Variants in THSD7A observed in about 807,000 individuals in gnomAD.
THSD7A encodes the protein thrombospondin type 1 domain containing 7A, also known as thrombospondin type-1 domain-containing protein 7A.
A neutral mutation model predicts 231.3 loss-of-function variants in THSD7A; 96 were observed. The observed-to-expected ratio is 0.41, with a 90% CI of 0.35 to 0.49. THSD7A has a LOEUF of 0.49. Among genes scored for constraint, THSD7A ranks in the 20% least tolerant of loss-of-function variants. The pLI, the probability that THSD7A is intolerant of heterozygous loss-of-function variation, is 0.05. For missense variants in THSD7A, 2,290 were observed against 2,070.2 expected (o/e 1.11, Z -2.06); for synonymous variants, 940 against 743.3 (o/e 1.26, Z -4.30).
At chr7:11,511,692 C>T (rs2128313532) in intron 6 of THSD7A, among the ~76,000 whole-genome samples, 1 of 152,206 alleles carries the variant, frequency 6.6e-6, no homozygotes, top group South Asian at 2.1e-4. Flanking sequence ...GAAAGGATTC[C>T]CTATTTAATA....
In THSD7A at chr7:11,769,118, T is replaced by TAATTCCC. The variant is rs1562541056; in HGVS notation, c.190+62638_190+62639insGGGAATT. Among the ~76,000 whole-genome samples, 76 of 93,732 alleles carry TAATTCCC rather than the reference T, an allele frequency of 8.1e-4. 1 individual carries two copies. The highest frequency in any genetic ancestry group is 1.0e-3 in the Non-Finnish European group (49 of 47,696). The allele number at this position is 93,732 out of a possible 152,430, so 61.5% of individuals were successfully genotyped here. A position where few individuals can be genotyped will look rare whatever the true frequency, so the allele number is the denominator to read the frequency against. On this transcript the variant is annotated intron_variant, in intron 1 of 27. Coordinates refer to ENST00000423059, the MANE Select transcript of THSD7A (RefSeq NM_015204.3). ...GATTACAGGCACCTGCCATAATTCC[T>TAATTCCC]GGCAATATATATATATATATATATA... is the stretch of plus-strand genomic sequence containing the variant.
At chr7:11,424,241 G>T (rs1270932014) in intron 16 of THSD7A, among the ~76,000 whole-genome samples, 3 of 151,820 alleles carry the variant, frequency 2.0e-5, no homozygotes, top group Non-Finnish European at 4.4e-5. Context: ...CTATGGGACA[G>T]TGTAGCTACA....
intron 1 of THSD7A, among the ~76,000 whole-genome samples, chr7:11,769,151 A>AT (rs1422492872): frequency 1.7e-3 from 61 of 35,458 alleles, no homozygotes; most frequent in East Asian, 3.9e-3. Flanking sequence ...ATATATATAT[A>AT]TATTTTTTTT....
intron 2 of THSD7A, among the ~76,000 whole-genome samples, chr7:11,617,581 T>C (rs537181305): frequency 2.6e-5 from 4 of 152,340 alleles, no homozygotes; most frequent in African/African-American, 9.6e-5. Context: ...AATATTTTAT[T>C]GTTGGCAAAT....
chr7:11,551,937 T>A (rs1789645645), intron 4 of THSD7A, among the ~76,000 whole-genome samples: 1 of 151,958 alleles, frequency 6.6e-6, no homozygotes. Flanking sequence ...AAACATGGAA[T>A]CAACCTAGAT....
chr7:11,426,843 A>G (rs2115420672), intron 14 of THSD7A, among the ~76,000 whole-genome samples, 172 bp from the exon 15 acceptor site: 1 of 152,322 alleles, frequency 6.6e-6, no homozygotes, highest in East Asian at 1.9e-4. Flanking sequence ...AGGAGATAAT[A>G]CACAACTACT....
intron 1 of THSD7A, among the ~76,000 whole-genome samples, chr7:11,680,176 C>G (rs190878448): frequency 1.3e-5 from 2 of 151,996 alleles, no homozygotes; most frequent in Non-Finnish European, 2.9e-5. Context: ...GGACCCCTTC[C>G]TTACACCTTA....
Position 11,678,098 on chromosome 7 carries a change from G to C in THSD7A, c.191-41137C>G, listed in dbSNP as rs536121594. 2.0e-5 allele frequency among the ~76,000 whole-genome samples: 3 copies of C among 152,054 alleles called. No individual in the cohort carries two copies. The South Asian group carries it at 6.2e-4, about 32-fold the overall frequency. ...ACAACCTGCTCCTGAATGACTACTG[G>C]GTAAATAACAAAATTAAGGCAGAAA... On this transcript the variant is annotated intron_variant, in intron 1 of 27. Coordinates refer to ENST00000423059, the MANE Select transcript of THSD7A (RefSeq NM_015204.3).
intron 6 of THSD7A, among the ~76,000 whole-genome samples, chr7:11,519,029 T>A (rs757807962): frequency 6.6e-6 from 1 of 152,244 alleles, no homozygotes; most frequent in Non-Finnish European, 1.5e-5. Flanking sequence ...CTTATGGGCT[T>A]TGGAGTTCGG....
chr7:11,639,667 C>CA (rs201889689), intron 1 of THSD7A, among the ~76,000 whole-genome samples: 22,325 of 150,376 alleles, frequency 0.15, 1,798 homozygotes, highest in Admixed American at 0.2. Context: ...GACTCCGTCT[C>CA]AAAAAAAATA....
At position 11,382,602 on chromosome 7, in the gene THSD7A, C is replaced by T; in HGVS notation, c.4426G>A (p.Glu1476Lys). ...TKSCYDGQCY[E>K]YKWMASAWKG... is the part of the protein sequence containing the mutation. ...CAAGCACTGGCCATCCATTTATATT[C>T]ATAGCACTGTCCATCTGCAGGGAAA... Residue 1476 changes from glutamate (E) to lysine (K), a missense_variant, in exon 24 of 28, where the codon GAA becomes AAA. Transcript: ENST00000423059. 7 of 1,612,462 alleles carry T rather than the reference C, an allele frequency of 4.3e-6. No individual in the cohort carries two copies. Among genetic ancestry groups the T allele is most frequent in the Non-Finnish European group, 5.9e-6 (7 of 1,178,950 alleles).
intron 6 of THSD7A, among the ~76,000 whole-genome samples, chr7:11,506,982 C>A (rs1373818396): frequency 6.6e-6 from 1 of 152,104 alleles, no homozygotes; most frequent in Admixed American, 6.5e-5. Flanking sequence ...TAAGTTCTAC[C>A]AGGTCAGGGG....
chr7:11,469,341 A>T (rs1362767281), intron 9 of THSD7A, among the ~76,000 whole-genome samples: 1 of 152,166 alleles, frequency 6.6e-6, no homozygotes, highest in East Asian at 1.9e-4. Context: ...CTTTGTCTGT[A>T]AGTAATAAAA....
At chr7:11,718,473 T>C (rs1433790552) in intron 1 of THSD7A, among the ~76,000 whole-genome samples, 20 of 151,796 alleles carry the variant, frequency 1.3e-4, no homozygotes, top group Non-Finnish European at 2.4e-4. Context: ...GTACATTCTA[T>C]AGTTTTTACA....
intron 23 of THSD7A, among the ~76,000 whole-genome samples, chr7:11,390,354 A>T (rs1322255894): frequency 6.6e-6 from 1 of 151,982 alleles, no homozygotes; most frequent in East Asian, 1.9e-4. Flanking sequence ...CATTAAGTTG[A>T]TCTTCAATCT....
intron 1 of THSD7A, among the ~76,000 whole-genome samples, chr7:11,787,186 T>C (rs889567394): frequency 3.9e-5 from 6 of 152,062 alleles, no homozygotes; most frequent in African/African-American, 1.4e-4. Context: ...ACAAATCATG[T>C]TGGAACAACT....
chr7:11,377,926 A>G lies in THSD7A; in HGVS notation c.4801+1144T>C, dbSNP rs555519761. ...CTGCTTCAATTCTTAGTGAAGGTCA[A>G]AATTGCTACTGGTTGTCTGCTAGTC... On this transcript the variant is annotated intron_variant, in intron 26 of 27. Coordinates refer to ENST00000423059, the MANE Select transcript of THSD7A (RefSeq NM_015204.3). The surrounding 1 kb of genome is among the most constrained non-coding windows in gnomAD (Gnocchi z 4.5). The G allele has an allele frequency of 9.2e-5, 14 of 152,192 alleles. No homozygotes were observed. The South Asian group carries it at 2.9e-3, about 32-fold the overall frequency. 9.4% of individuals were successfully genotyped at this position (152,192 alleles called of 1,614,324 possible).
At chr7:11,489,175 A>G (rs1334938232) in intron 6 of THSD7A, among the ~76,000 whole-genome samples, 2 of 152,040 alleles carry the variant, frequency 1.3e-5, no homozygotes, top group African/African-American at 4.8e-5. Context: ...TTCACAGTAA[A>G]TATTTGTTGG....
At chr7:11,453,492 T>G (rs933583098) in intron 11 of THSD7A, among the ~76,000 whole-genome samples, 1 of 152,112 alleles carries the variant, frequency 6.6e-6, no homozygotes, top group African/African-American at 2.4e-5. Flanking sequence ...TTATGTTGGC[T>G]TCCATCTAAA....
Sources: allele counts gnomAD v4.1 joint callset (sites outside exome capture counted in the v4.1 genomes callset), GRCh38; gene constraint gnomAD v4.1.1; non-coding constraint Gnocchi (gnomAD v3.1); transcripts MANE v1.5; gene names NCBI Gene and HGNC (gene_info 2026-07-23, HGNC 2026-07-21).